The following SRGAP2 variants were observed in gnomAD, a reference collection of about 807,000 sequenced individuals.
SRGAP2 encodes the protein SLIT-ROBO Rho GTPase activating protein 2.
A neutral mutation model predicts 57.2 loss-of-function variants in SRGAP2; 15 were observed. The ratio of observed to expected loss-of-function variants is 0.26; its 90% CI spans 0.18 to 0.40. The LOEUF (loss-of-function observed/expected upper bound fraction) is 0.40. SRGAP2 is among the 10% of genes least tolerant of loss of function. The probability of loss-of-function intolerance (pLI) is 1.00; values close to 1 mark genes in which losing one functional copy is unlikely to be tolerated. For synonymous variants in SRGAP2, 249 were observed against 248.0 expected (o/e 1.00, Z -0.04); for missense variants, 520 against 669.6 (o/e 0.78, Z 2.47).
At chr1:206,430,933 A>C (rs1421242823) in intron 14 of SRGAP2, among the ~76,000 whole-genome samples, 1 of 152,232 alleles carries the variant, frequency 6.6e-6, no homozygotes, top group Non-Finnish European at 1.5e-5. Flanking sequence ...GGACAGAACT[A>C]GTGCTATGAA....
At chr1:206,435,843 A>G (rs1300131838) in intron 14 of SRGAP2, among the ~76,000 whole-genome samples, 2 of 152,260 alleles carry the variant, frequency 1.3e-5, no homozygotes, top group Non-Finnish European at 2.9e-5. Context: ...AGCAGCAGTC[A>G]CTATGCCAGC....
At chr1:206,439,341 G>A (rs1460218719) in intron 16 of SRGAP2, among the ~76,000 whole-genome samples, 5 of 151,856 alleles carry the variant, frequency 3.3e-5, no homozygotes, top group African/African-American at 1.2e-4. Context: ...ACATACCCAG[G>A]GGCCTGCTAC....
chr1:206,234,573 G>GTT (rs1667818658), intron 2 of SRGAP2, among the ~76,000 whole-genome samples: 1 of 152,216 alleles, frequency 6.6e-6, no homozygotes, highest in Admixed American at 6.5e-5. Context: ...GGCTTCCTGT[G>GTT]TTTTGTCTAC....
intron 2 of SRGAP2, among the ~76,000 whole-genome samples, chr1:206,226,733 A>G (rs1336157861): frequency 6.6e-5 from 10 of 152,288 alleles, no homozygotes; most frequent in East Asian, 1.9e-4. Flanking sequence ...GACTTGACCT[A>G]TATAACACTG....
intron 4 of SRGAP2, among the ~76,000 whole-genome samples, chr1:206,353,674 G>A (rs1676203732): frequency 6.7e-6 from 1 of 149,584 alleles, no homozygotes. Flanking sequence ...CAGCCTGGGA[G>A]ACAGAGCAAG....
chr1:206,224,854 G>GT (rs1667188623), intron 2 of SRGAP2, among the ~76,000 whole-genome samples: 2 of 81,704 alleles, frequency 2.4e-5, no homozygotes, highest in Admixed American at 1.6e-4. Context: ...TGTGTGCTGA[G>GT]TGAGGGAGTA....
At chr1:206,299,823 A>C (rs1671783696) in intron 2 of SRGAP2, among the ~76,000 whole-genome samples, 1 of 151,462 alleles carries the variant, frequency 6.6e-6, no homozygotes, top group African/African-American at 2.4e-5. Flanking sequence ...TTCCTTCTTC[A>C]TTCTCTTTCT....
chr1:206,426,742 C>G (rs1395613768), intron 13 of SRGAP2, among the ~76,000 whole-genome samples: 2 of 152,168 alleles, frequency 1.3e-5, no homozygotes, highest in Non-Finnish European at 2.9e-5. Context: ...TTTCACATAC[C>G]TGTTGGCCAT....
chr1:206,434,697 A>AG (rs1661577254), intron 14 of SRGAP2, among the ~76,000 whole-genome samples: 1 of 152,234 alleles, frequency 6.6e-6, no homozygotes, highest in African/African-American at 2.4e-5. Flanking sequence ...ATAAGTTCTC[A>AG]GGAGGAAACA....
intron 4 of SRGAP2, among the ~76,000 whole-genome samples, chr1:206,376,128 G>A (rs2103041012): frequency 6.6e-6 from 1 of 150,402 alleles, no homozygotes; most frequent in Non-Finnish European, 1.5e-5. Flanking sequence ...TCTATCTGGA[G>A]GAATAGAAGG....
At chr1:206,394,155 TC>T (rs1553352584) in intron 7 of SRGAP2, among the ~76,000 whole-genome samples, 3 of 142,164 alleles carry the variant, frequency 2.1e-5, no homozygotes, top group African/African-American at 8.1e-5. Flanking sequence ...CAAGCAATTG[TC>T]CTACCTCAGC....
intron 3 of SRGAP2, among the ~76,000 whole-genome samples, chr1:206,324,796 G>A (rs1163354042): frequency 6.6e-6 from 1 of 152,100 alleles, no homozygotes; most frequent in African/African-American, 2.4e-5. Context: ...AACAATCATC[G>A]TAGTTGGACC....
rs560131668 is a variant in SRGAP2, at chr1:206,439,886, G to T, written c.1769-90G>T. On this transcript the variant is annotated intron_variant, in intron 16 of 22. Transcript: ENST00000573034. ...GTGGGCTTGATCTGATGCTGTCCGT[G>T]TTGCCCCTGCTGGTAGTAGGGACTT... 7.0e-6 allele frequency: 5 copies of T among 712,746 alleles called. No individual in the cohort carries two copies. In the Admixed American group the frequency reaches 8.0e-5, roughly 11 times the overall value. 44.2% of individuals were successfully genotyped at this position (712,746 alleles called of 1,614,324 possible). A position where few individuals can be genotyped will look rare whatever the true frequency, so the allele number is the denominator to read the frequency against.
At chr1:206,270,185 G>GA (rs1441596481) in intron 2 of SRGAP2, among the ~76,000 whole-genome samples, 1 of 88,646 alleles carries the variant, frequency 1.1e-5, no homozygotes, top group Non-Finnish European at 2.1e-5. Flanking sequence ...GTAATCCAAA[G>GA]AAAAAATGAG....
intron 7 of SRGAP2, among the ~76,000 whole-genome samples, chr1:206,401,168 T>C (rs1553355297): frequency 1.3e-5 from 2 of 152,262 alleles, no homozygotes; most frequent in Admixed American, 6.5e-5. Flanking sequence ...CTTAATTAAA[T>C]AATGTCATTT....
intron 2 of SRGAP2, among the ~76,000 whole-genome samples, chr1:206,278,293 G>A (rs1180324071): frequency 6.7e-6 from 1 of 150,076 alleles, no homozygotes; most frequent in South Asian, 2.1e-4. Context: ...AAGAATGCTG[G>A]GTAGTTGTGA....
chr1:206,347,208 T>C (rs1276206969), intron 4 of SRGAP2, among the ~76,000 whole-genome samples: 1 of 149,504 alleles, frequency 6.7e-6, no homozygotes, highest in Non-Finnish European at 1.5e-5. Flanking sequence ...TCTATAATCA[T>C]GCCACTGTAC....
At chr1:206,416,744 T>G (rs1218234289) in intron 11 of SRGAP2, among the ~76,000 whole-genome samples, 3 of 152,150 alleles carry the variant, frequency 2.0e-5, no homozygotes, top group Non-Finnish European at 4.4e-5. Context: ...ATTCCCAGGT[T>G]GGGGATGCCT....
intron 2 of SRGAP2, among the ~76,000 whole-genome samples, chr1:206,255,290 G>C (rs1289052244): frequency 6.6e-6 from 1 of 151,660 alleles, no homozygotes; most frequent in African/African-American, 2.4e-5. Context: ...ACAGAATGGG[G>C]TGGGGGGTTG....
Sources: allele counts gnomAD v4.1 joint callset (sites outside exome capture counted in the v4.1 genomes callset), GRCh38; gene constraint gnomAD v4.1.1; transcripts MANE v1.5; gene names NCBI Gene and HGNC (gene_info 2026-07-23, HGNC 2026-07-21).